Variants in KCNQ5 observed in about 807,000 individuals in gnomAD.
KCNQ5 encodes potassium voltage-gated channel subfamily KQT member 5.
KCNQ5 carries 30 observed loss-of-function variants against 98.2 expected under a neutral mutation model. The ratio of observed to expected loss-of-function variants is 0.31; its 90% CI spans 0.23 to 0.41. KCNQ5 has a LOEUF of 0.41. KCNQ5 is among the 10% of genes least tolerant of loss of function. The pLI is 1.00. For synonymous variants in KCNQ5, 458 were observed against 449.4 expected, an observed-to-expected ratio of 1.02 and a Z score of -0.24; for missense variants, 835 against 1,182.5, an observed-to-expected ratio of 0.71 and a Z score of 4.31.
chr6:72,812,207 T>C (rs192906872), intron 1 of KCNQ5, among the ~76,000 whole-genome samples: 9 of 152,300 alleles, frequency 5.9e-5, no homozygotes, highest in Non-Finnish European at 4.4e-5. Flanking sequence ...GCAGGGTCTT[T>C]ATGACCTGTA....
intron 2 of KCNQ5, among the ~76,000 whole-genome samples, chr6:73,008,656 C>A (rs183661469): frequency 6.6e-6 from 1 of 152,124 alleles, no homozygotes; most frequent in East Asian, 1.9e-4. Flanking sequence ...AGTTCTACAA[C>A]AATAGTTGTA....
intron 1 of KCNQ5, among the ~76,000 whole-genome samples, chr6:72,865,050 T>A (rs1172069658): frequency 6.6e-6 from 1 of 152,220 alleles, no homozygotes; most frequent in Non-Finnish European, 1.5e-5. Flanking sequence ...ATTACATCAG[T>A]TACATTTCTT....
At chr6:72,738,496 C>A (rs1770966101) in intron 1 of KCNQ5, among the ~76,000 whole-genome samples, 1 of 152,032 alleles carries the variant, frequency 6.6e-6, no homozygotes, top group African/African-American at 2.4e-5. Flanking sequence ...TGCGAATAAA[C>A]TGGTAAGACT....
intron 10 of KCNQ5, among the ~76,000 whole-genome samples, chr6:73,148,069 C>G (rs1476227436): frequency 2.0e-5 from 3 of 152,062 alleles, no homozygotes; most frequent in African/African-American, 7.2e-5. Context: ...ATGTGTTTTT[C>G]TTTTCACCTT....
At chr6:72,753,851 GT>G (rs373408887) in intron 1 of KCNQ5, among the ~76,000 whole-genome samples, 168 of 152,102 alleles carry the variant, frequency 1.1e-3, no homozygotes, top group African/African-American at 3.9e-3. Flanking sequence ...TGAGATGGGT[GT>G]TTTACATATA....
chr6:72,835,744 G>T (rs1053123583), intron 1 of KCNQ5, among the ~76,000 whole-genome samples: 29 of 152,272 alleles, frequency 1.9e-4, no homozygotes, highest in Admixed American at 1.5e-3. Context: ...AAACCTGAAA[G>T]TGGCACATTT....
In KCNQ5 at chr6:73,035,085, C is replaced by T. The variant is rs1420923427; in HGVS notation, c.490-6851C>T. On this transcript the variant is annotated intron_variant, in intron 2 of 13. Coordinates refer to ENST00000370398, the MANE Select transcript of KCNQ5 (RefSeq NM_019842.4). ...TGGTCTCGATCTCCTGACCTCGTGACCCACCCGCCTCGGCTTCCGAAAGCG... is the reference window on the plus strand; with the variant it reads ...TGGTCTCGATCTCCTGACCTCGTGATCCACCCGCCTCGGCTTCCGAAAGCG... 5.3e-5 allele frequency among the ~76,000 whole-genome samples: 8 copies of T among 152,082 alleles called. No homozygotes were observed. In the East Asian group the frequency reaches 5.8e-4, roughly 11 times the overall value.
At chr6:73,134,730 G>A (rs1776395491) in intron 10 of KCNQ5, 1 of 152,440 alleles carries the variant, frequency 6.6e-6, no homozygotes, top group Admixed American at 6.5e-5. Context: ...GGCTCCTCCT[G>A]GCGGAGCTTG....
At chr6:72,805,290 T>A (rs894915061) in intron 1 of KCNQ5, among the ~76,000 whole-genome samples, 1 of 152,148 alleles carries the variant, frequency 6.6e-6, no homozygotes, top group Non-Finnish European at 1.5e-5. Context: ...AGTAGTTTCA[T>A]AGTTTGGGGT....
chr6:72,945,380 T>C (rs1256951698), intron 1 of KCNQ5, among the ~76,000 whole-genome samples: 1 of 150,544 alleles, frequency 6.6e-6, no homozygotes, highest in Non-Finnish European at 1.5e-5. Context: ...ATTAGGTATA[T>C]CTCCAAATGC....
intron 10 of KCNQ5, among the ~76,000 whole-genome samples, chr6:73,139,429 T>C (rs1300531825): frequency 6.6e-6 from 1 of 152,200 alleles, no homozygotes; most frequent in East Asian, 1.9e-4. Flanking sequence ...CAACTTTCCA[T>C]AGTATAATAT....
intron 1 of KCNQ5, among the ~76,000 whole-genome samples, chr6:72,658,579 T>TATATATATATATATATATATATATA (rs34408725): frequency 4.3e-5 from 3 of 69,652 alleles, no homozygotes; most frequent in Admixed American, 3.4e-4. Flanking sequence ...TATATATATA[T>TATATATATATATATATATATATATA]TTTTTTTTTT....
intron 2 of KCNQ5, among the ~76,000 whole-genome samples, chr6:73,007,299 T>G (rs1349828913): frequency 6.6e-6 from 1 of 152,202 alleles, no homozygotes; most frequent in East Asian, 1.9e-4. Flanking sequence ...GACTTAAGAA[T>G]GTGATACAGA....
chr6:73,183,693 C>G (rs1237684625), intron 11 of KCNQ5, among the ~76,000 whole-genome samples: 1 of 152,212 alleles, frequency 6.6e-6, no homozygotes, highest in East Asian at 1.9e-4. Flanking sequence ...TCTCTACCTT[C>G]TATTTTGATC....
intron 2 of KCNQ5, among the ~76,000 whole-genome samples, chr6:73,038,639 T>G (rs939900810): frequency 3.3e-5 from 5 of 152,090 alleles, no homozygotes; most frequent in African/African-American, 1.2e-4. Flanking sequence ...TTTTTTAGCT[T>G]TATTATATAA....
chr6:72,812,627 C>A (rs1369856116), intron 1 of KCNQ5, among the ~76,000 whole-genome samples: 1 of 152,156 alleles, frequency 6.6e-6, no homozygotes, highest in Non-Finnish European at 1.5e-5. Context: ...TGAGGAAGGT[C>A]ACTCCTGGCC....
At chr6:73,017,420 A>T (rs1422067297) in intron 2 of KCNQ5, among the ~76,000 whole-genome samples, 1 of 151,770 alleles carries the variant, frequency 6.6e-6, no homozygotes, top group Admixed American at 6.6e-5. Context: ...GTTACTACTG[A>T]TCATGCCCAT....
At chr6:72,895,114 T>TAAAA (rs71540357) in intron 1 of KCNQ5, among the ~76,000 whole-genome samples, 1,989 of 89,202 alleles carry the variant, frequency 0.022, 62 homozygotes, top group African/African-American at 0.084. Context: ...CCATCTCTAC[T>TAAAA]AAAAAAAAAA....
intron 2 of KCNQ5, among the ~76,000 whole-genome samples, chr6:73,037,511 C>T (rs1456024988): frequency 6.6e-6 from 1 of 151,982 alleles, no homozygotes. Flanking sequence ...TTTTTAAACC[C>T]GTGGTCCATT....
Sources: allele counts gnomAD v4.1 joint callset (sites outside exome capture counted in the v4.1 genomes callset), GRCh38; gene constraint gnomAD v4.1.1; transcripts MANE v1.5; gene names NCBI Gene and HGNC (gene_info 2026-07-23, HGNC 2026-07-21).